LUZP2: variants seen among roughly 807,000 people sequenced by gnomAD.
The protein encoded by LUZP2 is leucine zipper protein 2.
A neutral mutation model predicts 51.6 loss-of-function variants in LUZP2; 52 were observed. That is an observed-to-expected ratio of 1.01 (90% CI 0.81 to 1.27). LUZP2 has a LOEUF of 1.27. Among genes scored for constraint, LUZP2 ranks in the 50% most tolerant of loss-of-function variants. The pLI is 0.00. For synonymous variants in LUZP2, 154 were observed against 137.3 expected (o/e 1.12, Z -0.85); for missense variants, 436 against 395.4 (o/e 1.10, Z -0.87).
chr11:24,594,310 T>A (rs1030491676), intron 1 of LUZP2, among the ~76,000 whole-genome samples: 6 of 152,158 alleles, frequency 3.9e-5, no homozygotes, highest in Admixed American at 1.3e-4. Flanking sequence ...ATAGGTAATA[T>A]TTGGAAGGAC....
chr11:25,066,215 C>A (rs1858994542), intron 10 of LUZP2, among the ~76,000 whole-genome samples: 1 of 151,594 alleles, frequency 6.6e-6, no homozygotes, highest in South Asian at 2.1e-4. Flanking sequence ...TATGCATTAC[C>A]AAAAGGCTAT....
At chr11:24,520,088 A>C (rs1850596193) in intron 1 of LUZP2, among the ~76,000 whole-genome samples, 1 of 152,346 alleles carries the variant, frequency 6.6e-6, no homozygotes, top group East Asian at 1.9e-4. Flanking sequence ...AATAAAGCAT[A>C]AAATCCACAA....
chr11:24,628,143 A>G (rs1417262550), intron 1 of LUZP2, among the ~76,000 whole-genome samples: 1 of 152,032 alleles, frequency 6.6e-6, no homozygotes, highest in Non-Finnish European at 1.5e-5. Context: ...AAATTTTGGA[A>G]CACAGATAAT....
At chr11:24,848,320 C>A (rs1160768154) in intron 5 of LUZP2, among the ~76,000 whole-genome samples, 1 of 152,132 alleles carries the variant, frequency 6.6e-6, no homozygotes, top group Non-Finnish European at 1.5e-5. Flanking sequence ...AGATCCCATC[C>A]TTAACAGTAA....
intron 5 of LUZP2, among the ~76,000 whole-genome samples, chr11:24,839,370 T>A (rs914181826): frequency 7.3e-5 from 11 of 151,716 alleles, no homozygotes; most frequent in Non-Finnish European, 1.6e-4. Flanking sequence ...TTCTATTTTT[T>A]AAATCATTTT....
chr11:24,629,217 T>C (rs1013564274), intron 1 of LUZP2, among the ~76,000 whole-genome samples: 1 of 151,734 alleles, frequency 6.6e-6, no homozygotes, highest in Non-Finnish European at 1.5e-5. Flanking sequence ...AAATATTTGT[T>C]ATTACCCACT....
rs181663745 is a variant in LUZP2, at chr11:24,923,036, G to C, written c.522+8498G>C. 1.7e-3 allele frequency among the ~76,000 whole-genome samples: 254 copies of C among 151,590 alleles called. 1 individual carries two copies. The highest frequency in any genetic ancestry group is 3.4e-3 in the Middle Eastern group (1 of 292). Reference sequence around the variant, plus strand: ...GCTAATTTTTTGTATTTTTGGTAGAGACAGGGTTTCACGGTTTTAGCCAGG... The same window carrying C: ...GCTAATTTTTTGTATTTTTGGTAGACACAGGGTTTCACGGTTTTAGCCAGG... On this transcript the variant is annotated intron_variant, in intron 7 of 11. Coordinates refer to ENST00000336930, the MANE Select transcript of LUZP2 (RefSeq NM_001009909.4).
intron 7 of LUZP2, among the ~76,000 whole-genome samples, chr11:24,946,978 T>C (rs528846992): frequency 3.4e-4 from 52 of 152,028 alleles, no homozygotes; most frequent in African/African-American, 1.2e-3. Context: ...AGGAGAGATA[T>C]ACAACTACAG....
At chr11:24,902,705 A>G (rs1853317153) in intron 5 of LUZP2, among the ~76,000 whole-genome samples, 1 of 152,210 alleles carries the variant, frequency 6.6e-6, no homozygotes, top group African/African-American at 2.4e-5. Flanking sequence ...TATGCTAAAA[A>G]TTAGTCTTTT....
At chr11:24,801,276 C>G (rs1849692106) in intron 5 of LUZP2, among the ~76,000 whole-genome samples, 1 of 152,004 alleles carries the variant, frequency 6.6e-6, no homozygotes, top group Non-Finnish European at 1.5e-5. Context: ...AGGAATCGAT[C>G]TGCCTGCCTC....
At chr11:25,002,395 A>G (rs1166039806) in intron 9 of LUZP2, among the ~76,000 whole-genome samples, 1 of 152,194 alleles carries the variant, frequency 6.6e-6, no homozygotes, top group Non-Finnish European at 1.5e-5. Context: ...TTGGTTCCCC[A>G]TCCTCTGGGA....
chr11:24,978,912 C>A (rs1018230700), intron 8 of LUZP2, among the ~76,000 whole-genome samples: 1 of 151,668 alleles, frequency 6.6e-6, no homozygotes, highest in Non-Finnish European at 1.5e-5. Context: ...CCTCCCAATT[C>A]CACCTCCCAA....
Position 24,926,421 on chromosome 11 carries a change from A to G in LUZP2, c.522+11883A>G, listed in dbSNP as rs960513599. On this transcript the variant is annotated intron_variant, in intron 7 of 11. Transcript: ENST00000336930. Reference sequence around the variant, plus strand: ...TATATATATATACGTGTGTATATATATGTGTGTATATATATACGTGTATAT... The same window carrying G: ...TATATATATATACGTGTGTATATATGTGTGTGTATATATATACGTGTATAT... Among the ~76,000 whole-genome samples the G allele has an allele frequency of 3.2e-3, 430 of 135,146 alleles. 11 individuals are homozygous for G. The highest frequency in any genetic ancestry group is 4.5e-3 in the African/African-American group (156 of 35,018). 88.7% of individuals were successfully genotyped at this position (135,146 alleles called of 152,430 possible). A position where few individuals can be genotyped will look rare whatever the true frequency, so the allele number is the denominator to read the frequency against.
chr11:24,864,848 A>G (rs1194183995), intron 5 of LUZP2, among the ~76,000 whole-genome samples: 2 of 152,190 alleles, frequency 1.3e-5, no homozygotes, highest in East Asian at 3.8e-4. Context: ...AGCTGCTTCC[A>G]CAAGAAAGGG....
intron 1 of LUZP2, among the ~76,000 whole-genome samples, chr11:24,502,123 T>C (rs1453042546): frequency 7.1e-6 from 1 of 140,116 alleles, no homozygotes; most frequent in African/African-American, 3.1e-5. Flanking sequence ...CAGTTTAGCA[T>C]ATTCCCTAAG....
At chr11:24,772,373 G>A (rs1860454158) in intron 5 of LUZP2, among the ~76,000 whole-genome samples, 3 of 152,108 alleles carry the variant, frequency 2.0e-5, no homozygotes, top group Admixed American at 2.0e-4. Flanking sequence ...AGTGCTTCAG[G>A]GTCACTATTC....
intron 1 of LUZP2, among the ~76,000 whole-genome samples, chr11:24,541,079 C>A (rs956453894): frequency 1.3e-5 from 2 of 151,658 alleles, no homozygotes; most frequent in Non-Finnish European, 2.9e-5. Flanking sequence ...ATGGTGAAAC[C>A]CCGTCTCTAC....
intron 1 of LUZP2, among the ~76,000 whole-genome samples, chr11:24,571,407 A>G (rs747707580): frequency 4.6e-5 from 7 of 152,116 alleles, no homozygotes; most frequent in Non-Finnish European, 8.8e-5. Context: ...AAGGATGTAC[A>G]TATAAATATT....
At chr11:24,638,334 T>G (rs1170248499) in intron 1 of LUZP2, among the ~76,000 whole-genome samples, 2 of 151,508 alleles carry the variant, frequency 1.3e-5, no homozygotes, top group Admixed American at 6.6e-5. Context: ...TACTAGAAAT[T>G]TAATAAAAAT....
Sources: gnomAD v4.1 joint callset for allele counts (sites outside exome capture counted in the v4.1 genomes callset) on GRCh38, gnomAD v4.1.1 for gene constraint, MANE v1.5 for transcripts, NCBI Gene and HGNC (gene_info 2026-07-23, HGNC 2026-07-21) for gene names.